Variants in SKI observed in about 807,000 individuals in gnomAD.
SKI encodes the protein SKI proto-oncogene, also known as ski oncogene.
In SKI, 23 loss-of-function variants were observed where a neutral mutation model predicts 59.3. The observed-to-expected ratio is 0.39, with a 90% CI of 0.28 to 0.55. The LOEUF (loss-of-function observed/expected upper bound fraction) is 0.55, where lower values mean the gene tolerates loss of function less well. Ranked by LOEUF, SKI falls within the 20% of genes least tolerant of loss-of-function variation. The probability of loss-of-function intolerance (pLI) is 0.67; values close to 1 mark genes in which losing one functional copy is unlikely to be tolerated. For missense variants in SKI, 1,017 were observed against 1,038.9 expected, an observed-to-expected ratio of 0.98 and a Z score of 0.29; for synonymous variants, 673 against 488.6, an observed-to-expected ratio of 1.38 and a Z score of -4.98.
intron 1 of SKI, among the ~76,000 whole-genome samples, chr1:2,292,803 C>T (rs571847475): frequency 6.6e-6 from 1 of 152,302 alleles, no homozygotes; most frequent in East Asian, 1.9e-4. Flanking sequence ...CTTCTGACGC[C>T]GGCGGGGCTC....
intron 1 of SKI, among the ~76,000 whole-genome samples, chr1:2,232,983 G>A (rs972837304): frequency 6.6e-6 from 1 of 152,114 alleles, no homozygotes; most frequent in African/African-American, 2.4e-5. Context: ...ATAGCTGTAG[G>A]ACTCCATTGG....
intron 1 of SKI, among the ~76,000 whole-genome samples, chr1:2,274,980 G>A (rs1639709446): frequency 6.6e-6 from 1 of 152,288 alleles, no homozygotes; most frequent in South Asian, 2.1e-4. Flanking sequence ...GTCTTTCCAG[G>A]CATCCCCAGG....
At chr1:2,246,510 T>C (rs1638999243) in intron 1 of SKI, among the ~76,000 whole-genome samples, 1 of 152,156 alleles carries the variant, frequency 6.6e-6, no homozygotes, top group African/African-American at 2.4e-5. Flanking sequence ...GCTGCCTCTG[T>C]CCTCTGCTGT....
rs917880424 is a variant in SKI at position 2,268,072 on chromosome 1, C to T, written c.970-34906C>T. On this transcript the variant is annotated intron_variant, in intron 1 of 6. Coordinates refer to ENST00000378536, the MANE Select transcript of SKI (RefSeq NM_003036.4). This position sits in a 1 kb window ranked among gnomAD's most constrained non-coding sequence, Gnocchi z 5.0. ...ACAGGCCAGGGCACTCCCAACAGCA[C>T]TGCGTGGAGCTGGTGCCCACCCCTG... Among the ~76,000 whole-genome samples the T allele has an allele frequency of 1.2e-4, 18 of 152,346 alleles. No homozygotes were observed. Among genetic ancestry groups the T allele is most frequent in the Non-Finnish European group, 4.4e-5 (3 of 68,018 alleles).
At chr1:2,236,968 G>A (rs759307213) in intron 1 of SKI, among the ~76,000 whole-genome samples, 4 of 152,182 alleles carry the variant, frequency 2.6e-5, no homozygotes, top group Non-Finnish European at 4.4e-5. Context: ...TCAGAGAAAC[G>A]CAGCTCAGGC....
At chr1:2,254,118 AG>A (rs1480722301) in intron 1 of SKI, among the ~76,000 whole-genome samples, 1 of 152,142 alleles carries the variant, frequency 6.6e-6, no homozygotes, top group African/African-American at 2.4e-5. Flanking sequence ...AGTGACCATG[AG>A]GGGCTGGGGT....
rs1407978118 is a variant in SKI, at chr1:2,228,351, C to T, written c.-416C>T. On this transcript the variant is annotated 5_prime_UTR_variant, in exon 1 of 7. Transcript: ENST00000378536. ...CCGGGCCCCTCGGCCTCGGCCGCCGCGGCGATTCGCGCCTCGCGGCGCCGG... is the reference window on the plus strand; with the variant it reads ...CCGGGCCCCTCGGCCTCGGCCGCCGTGGCGATTCGCGCCTCGCGGCGCCGG... 7.0e-6 allele frequency among the ~76,000 whole-genome samples: 1 copy of T among 142,704 alleles called. No homozygotes were observed. Among genetic ancestry groups the T allele is most frequent in the Non-Finnish European group, 1.6e-5 (1 of 64,496 alleles). 93.6% of individuals were successfully genotyped at this position (142,704 alleles called of 152,430 possible).
intron 1 of SKI, among the ~76,000 whole-genome samples, chr1:2,252,821 G>A (rs1240012887): frequency 6.6e-6 from 1 of 152,234 alleles, no homozygotes; most frequent in East Asian, 1.9e-4. Context: ...GAGGCCAGGC[G>A]CGGTATCTCG....
At chr1:2,264,373 A>T (rs1225948402) in intron 1 of SKI, among the ~76,000 whole-genome samples, 4 of 151,970 alleles carry the variant, frequency 2.6e-5, no homozygotes, top group Non-Finnish European at 5.9e-5. Flanking sequence ...GGTTCAAGTG[A>T]TTCTCATGCC....
chr1:2,298,699 CCAGGTGAGGTGCAGACATT>C (rs1640349177), intron 1 of SKI, among the ~76,000 whole-genome samples: 1 of 152,238 alleles, frequency 6.6e-6, no homozygotes, highest in African/African-American at 2.4e-5. Context: ...AGACCACATC[CCAGGTGAGGTGCAGACATT>C]CAGAGACAGA....
chr1:2,240,253 G>A (rs1638840662), intron 1 of SKI, among the ~76,000 whole-genome samples: 1 of 152,242 alleles, frequency 6.6e-6, no homozygotes, highest in Non-Finnish European at 1.5e-5. Context: ...GGGTGAAATG[G>A]CCACAGGCCT....
At chr1:2,302,094 G>A (rs140809997) in intron 1 of SKI, among the ~76,000 whole-genome samples, 6 of 152,354 alleles carry the variant, frequency 3.9e-5, no homozygotes, top group Non-Finnish European at 7.3e-5. Context: ...TGGATGTACC[G>A]GCTCAGGCCC....
chr1:2,253,746 C>T (rs1479924508), intron 1 of SKI, among the ~76,000 whole-genome samples: 1 of 152,222 alleles, frequency 6.6e-6, no homozygotes, highest in Non-Finnish European at 1.5e-5. Flanking sequence ...GCTGCGGGTC[C>T]CTCGTGCCCT....
chr1:2,244,000 C>G (rs1372859423), intron 1 of SKI, among the ~76,000 whole-genome samples: 3 of 152,022 alleles, frequency 2.0e-5, no homozygotes, highest in Non-Finnish European at 4.4e-5. Context: ...GAGTCTCGCT[C>G]TGTCACCCAG....
Position 2,297,476 on chromosome 1 carries a change from CGG to C in SKI, c.970-5501_970-5500del, listed in dbSNP as rs1297778120. ...AGAACACCAGCACAGGCGATCTCCT[CGG>C]AACCCAGATTGTGGGCGATCCTGCC... On this transcript the variant is annotated intron_variant, in intron 1 of 6. Transcript: ENST00000378536. Among the ~76,000 whole-genome samples the C allele has an allele frequency of 2.6e-5, 4 of 152,328 alleles. No homozygotes were observed. The East Asian group carries it at 7.7e-4, about 29-fold the overall frequency.
rs772190594 is a variant in SKI, at chr1:2,303,137, T to A, written c.1095+34T>A. The A allele has an allele frequency of 6.2e-7, 1 of 1,612,296 alleles. No individual in the cohort carries two copies. Among genetic ancestry groups the A allele is most frequent in the Admixed American group, 1.7e-5 (1 of 60,016 alleles). On this transcript the variant is annotated intron_variant, in intron 2 of 6. Coordinates refer to ENST00000378536, the MANE Select transcript of SKI (RefSeq NM_003036.4). This position sits in a 1 kb window ranked among gnomAD's most constrained non-coding sequence, Gnocchi z 5.6. Reference sequence around the variant, plus strand: ...GGGCCTGTCGGGGTCCTTGGGGTGGTGGGTACTGGGCCCTTCTCCTTGGGC... The same window carrying A: ...GGGCCTGTCGGGGTCCTTGGGGTGGAGGGTACTGGGCCCTTCTCCTTGGGC...
intron 1 of SKI, among the ~76,000 whole-genome samples, chr1:2,258,694 A>G (rs991962647): frequency 5.9e-5 from 9 of 152,192 alleles, no homozygotes; most frequent in African/African-American, 2.2e-4. Context: ...AGCTGGGATT[A>G]TAGGCGCCTG....
intron 1 of SKI, among the ~76,000 whole-genome samples, chr1:2,252,574 C>T (rs902165231): frequency 1.2e-4 from 18 of 150,300 alleles, no homozygotes; most frequent in South Asian, 4.3e-4. Flanking sequence ...AGTCAGTGCC[C>T]GCGGAGCAGG....
At chr1:2,273,879 G>A (rs1639683689) in intron 1 of SKI, among the ~76,000 whole-genome samples, 1 of 152,160 alleles carries the variant, frequency 6.6e-6, no homozygotes, top group African/African-American at 2.4e-5. Flanking sequence ...GGGTGGTTGT[G>A]GTGGGGATGC....
Sources: gnomAD v4.1 joint callset for allele counts (sites outside exome capture counted in the v4.1 genomes callset) on GRCh38, gnomAD v4.1.1 for gene constraint, Gnocchi (gnomAD v3.1) non-coding constraint, MANE v1.5 for transcripts, NCBI Gene and HGNC (gene_info 2026-07-23, HGNC 2026-07-21) for gene names.